The following ZC3H13 variants were observed in gnomAD, a reference collection of about 807,000 sequenced individuals.
The protein encoded by ZC3H13 is zinc finger CCCH-type containing 13, also known as zinc finger CCCH domain-containing protein 13.
ZC3H13 carries 64 observed loss-of-function variants against 204.1 expected under a neutral mutation model. The ratio of observed to expected loss-of-function variants is 0.31; its 90% CI spans 0.26 to 0.39. The LOEUF (loss-of-function observed/expected upper bound fraction) is 0.39. Ranked by LOEUF, ZC3H13 falls within the 10% of genes least tolerant of loss-of-function variation. The probability of loss-of-function intolerance (pLI) is 1.00; values close to 1 mark genes in which losing one functional copy is unlikely to be tolerated. For missense variants in ZC3H13, 1,833 were observed against 2,082.7 expected (o/e 0.88, Z 2.33); for synonymous variants, 667 against 693.7 (o/e 0.96, Z 0.60).
chr13:45,985,305 G>C lies in ZC3H13; in HGVS notation c.1712C>G (p.Pro571Arg). Residue 571 changes from proline to arginine, a missense_variant, in exon 10 of 19, where the codon CCT (proline) becomes CGT (arginine). This residue lies in a region of ZC3H13 where 1,574 missense variants were observed against 1,757.2 expected (regional missense o/e 0.90). Coordinates refer to ENST00000679008, the MANE Select transcript of ZC3H13 (RefSeq NM_001330564.2). ...CAAGTCAAAAACCTTACCCTTTTCAGGTAACTCAGGAACCCTCCCCCTACT... is the reference window on the plus strand; with the variant it reads ...CAAGTCAAAAACCTTACCCTTTTCACGTAACTCAGGAACCCTCCCCCTACT... ...GRSRGRVPEL[P>R]EKGSRGSRGS... The C allele has an allele frequency of 5.6e-6, 9 of 1,610,714 alleles. No homozygotes were observed. The highest frequency in any genetic ancestry group is 7.6e-6 in the Non-Finnish European group (9 of 1,178,476).
chr13:46,040,579 T>C (rs1376710051), intron 4 of ZC3H13, among the ~76,000 whole-genome samples: 1 of 151,266 alleles, frequency 6.6e-6, no homozygotes, highest in Non-Finnish European at 1.5e-5. Flanking sequence ...GCAACAATAA[T>C]AACAAAAAAA....
intron 9 of ZC3H13, 133 bp from the exon 10 acceptor site, chr13:45,985,894 C>A (rs1954143772): frequency 1.2e-6 from 1 of 819,504 alleles, no homozygotes; most frequent in Non-Finnish European, 1.8e-6. Context: ...AATAAAGAAG[C>A]TAAAATTCCA....
chr13:45,989,807 A>AAAT (rs1347504430), intron 8 of ZC3H13, among the ~76,000 whole-genome samples: 1 of 151,836 alleles, frequency 6.6e-6, no homozygotes, highest in African/African-American at 2.4e-5. Flanking sequence ...CATTAAGCAC[A>AAAT]TCTGAATCAC....
chr13:45,960,458 G>A (rs1368248410), intron 17 of ZC3H13, among the ~76,000 whole-genome samples: 2 of 152,110 alleles, frequency 1.3e-5, no homozygotes, highest in African/African-American at 4.8e-5. Context: ...TTAAGAAAGT[G>A]ATTGTTAGAT....
Position 46,052,575 on chromosome 13 carries a change from C to G in ZC3H13, c.-181G>C. 2 of 398,740 alleles carry G rather than the reference C, an allele frequency of 5.0e-6. No homozygotes were observed. The highest frequency in any genetic ancestry group is 8.8e-6 in the Non-Finnish European group (2 of 226,208). 24.7% of individuals were successfully genotyped at this position (398,740 alleles called of 1,614,324 possible). A position where few individuals can be genotyped will look rare whatever the true frequency, so the allele number is the denominator to read the frequency against. On this transcript the variant is annotated 5_prime_UTR_variant, in exon 1 of 19. Coordinates refer to ENST00000679008, the MANE Select transcript of ZC3H13 (RefSeq NM_001330564.2). ...ACCGGCTCTTGGCTAGCGAGGAGCC[C>G]CCGGGATGGCTGAGAAGCAGAACCA...
At chr13:45,961,156 A>G (rs1333554502) in intron 17 of ZC3H13, among the ~76,000 whole-genome samples, 1 of 152,190 alleles carries the variant, frequency 6.6e-6, no homozygotes, top group African/African-American at 2.4e-5. Flanking sequence ...ATTCAGATAT[A>G]CCAATGTTTG....
At chr13:46,021,990 T>G (rs1341389354) in intron 4 of ZC3H13, among the ~76,000 whole-genome samples, 1 of 151,936 alleles carries the variant, frequency 6.6e-6, no homozygotes, top group East Asian at 1.9e-4. Context: ...CTTAAAAGTA[T>G]GTAAAATCCA....
intron 7 of ZC3H13, among the ~76,000 whole-genome samples, chr13:46,003,878 T>C (rs1314907853): frequency 6.6e-6 from 1 of 151,982 alleles, no homozygotes; most frequent in Non-Finnish European, 1.5e-5. Context: ...AAGCAAAAAC[T>C]ATAAAAATCC....
intron 8 of ZC3H13, among the ~76,000 whole-genome samples, chr13:45,996,434 G>C (rs1460680921): frequency 6.6e-6 from 1 of 152,146 alleles, no homozygotes; most frequent in Non-Finnish European, 1.5e-5. Context: ...AATAGGCCCA[G>C]CTTACCTGCT....
chr13:46,011,334 A>G, intron 6 of ZC3H13, 81 bp downstream of exon 6: 1 of 1,298,714 alleles, frequency 7.7e-7, no homozygotes, highest in Non-Finnish European at 1.0e-6. Flanking sequence ...ATAATTTAAG[A>G]TGTAGCAAGA....
At chr13:45,962,081 A>T in intron 17 of ZC3H13, 1 of 744,294 alleles carries the variant, frequency 1.3e-6, no homozygotes, top group Non-Finnish European at 1.6e-6. Flanking sequence ...AATCAGTATC[A>T]ATTATTTCAT....
At chr13:45,982,301 G>A (rs374027320) in intron 10 of ZC3H13, among the ~76,000 whole-genome samples, 1 of 151,792 alleles carries the variant, frequency 6.6e-6, no homozygotes, top group East Asian at 1.9e-4. Context: ...CTACAAAAAG[G>A]CTACATATAA....
intron 6 of ZC3H13, 142 bp downstream of exon 6, chr13:46,011,273 A>C (rs2041542829): frequency 3.8e-6 from 2 of 530,786 alleles, no homozygotes; most frequent in Admixed American, 4.0e-5. Flanking sequence ...AAATGAATAT[A>C]TATGGAGTAG....
At chr13:46,017,528 C>T (rs2041983955) in intron 5 of ZC3H13, among the ~76,000 whole-genome samples, 1 of 151,990 alleles carries the variant, frequency 6.6e-6, no homozygotes, top group African/African-American at 2.4e-5. Context: ...AGTTATTTTT[C>T]ATAAAAGCAT....
chr13:45,993,982 G>A (rs1164951629), intron 8 of ZC3H13, among the ~76,000 whole-genome samples: 1 of 152,192 alleles, frequency 6.6e-6, no homozygotes, highest in Admixed American at 6.5e-5. Flanking sequence ...CACAAACGCA[G>A]TATGGTTGAC....
Position 46,048,444 on chromosome 13 carries a change from G to A in ZC3H13, c.-9-2928C>T, listed in dbSNP as rs2044143658. On this transcript the variant is annotated intron_variant, in intron 1 of 18. Coordinates refer to ENST00000679008, the MANE Select transcript of ZC3H13 (RefSeq NM_001330564.2). ...TACAAAAACAAAATTAGCCGGGCGT[G>A]GTGGCAGGCGCCTGTAGTCCCAGCT... Among the ~76,000 whole-genome samples the A allele has an allele frequency of 2.6e-5, 4 of 152,156 alleles. No individual in the cohort carries two copies. The South Asian group carries it at 8.3e-4, about 32-fold the overall frequency.
At chr13:46,014,360 A>C (rs901149153) in intron 5 of ZC3H13, among the ~76,000 whole-genome samples, 1 of 151,680 alleles carries the variant, frequency 6.6e-6, no homozygotes, top group African/African-American at 2.4e-5. Flanking sequence ...CTCACCCCCC[A>C]TCCCCACAAC....
At chr13:45,988,065 C>T (rs1470221592) in intron 9 of ZC3H13, among the ~76,000 whole-genome samples, 1 of 152,124 alleles carries the variant, frequency 6.6e-6, no homozygotes, top group African/African-American at 2.4e-5. Flanking sequence ...TTCCCCCCAG[C>T]CCTCACTCCT....
Position 45,975,454 on chromosome 13 carries a change from C to G in ZC3H13, c.2297G>C (p.Arg766Thr). The G allele has an allele frequency of 6.2e-7, 1 of 1,613,574 alleles. No individual in the cohort carries two copies. The highest frequency in any genetic ancestry group is 8.5e-7 in the Non-Finnish European group (1 of 1,179,778). The change falls in exon 12 of 19, where the codon AGA becomes ACA. Residue 766 changes from arginine (R) to threonine (T), a missense_variant. By Grantham distance (71) the Arg-to-Thr change is moderately conservative. Coordinates refer to ENST00000679008, the MANE Select transcript of ZC3H13 (RefSeq NM_001330564.2). ...RERERERERERERERERERER... is the reference protein window; with the variant it reads ...RERERERERETERERERERER... Reference sequence around the variant, plus strand: ...TCGTTCCCGTTCTCGCTCTCGCTCTCTCTCCCGTTCTCGCTCTCTCTCCCT... The same window carrying G: ...TCGTTCCCGTTCTCGCTCTCGCTCTGTCTCCCGTTCTCGCTCTCTCTCCCT...
Sources: gnomAD v4.1 joint callset for allele counts (sites outside exome capture counted in the v4.1 genomes callset) on GRCh38, gnomAD v4.1.1 for gene constraint, gnomAD v4.1.1 regional missense constraint, MANE v1.5 for transcripts, NCBI Gene and HGNC (gene_info 2026-07-23, HGNC 2026-07-21) for gene names.